Variants in TLK2 observed in about 807,000 individuals in gnomAD.
The protein encoded by TLK2 is serine/threonine-protein kinase tousled-like 2.
In TLK2, 6 loss-of-function variants were observed where a neutral mutation model predicts 117.3. The ratio of observed to expected loss-of-function variants is 0.05; its 90% CI spans 0.03 to 0.10. TLK2 has a LOEUF of 0.10. Ranked by LOEUF, TLK2 falls within the 10% of genes least tolerant of loss-of-function variation. The probability of loss-of-function intolerance (pLI) is 1.00; values close to 1 mark genes in which losing one functional copy is unlikely to be tolerated. For missense variants in TLK2, 299 were observed against 901.2 expected (o/e 0.33, Z 8.56); for synonymous variants, 257 against 316.7 (o/e 0.81, Z 2.00).
chr17:62,503,472 C>T (rs2074394368), intron 2 of TLK2, among the ~76,000 whole-genome samples: 1 of 139,044 alleles, frequency 7.2e-6, no homozygotes, highest in Admixed American at 7.7e-5. Flanking sequence ...GGCTGGAGTG[C>T]TGTTGCACGA....
intron 6 of TLK2, among the ~76,000 whole-genome samples, chr17:62,527,785 C>G (rs2076472575): frequency 6.6e-6 from 1 of 151,866 alleles, no homozygotes; most frequent in Non-Finnish European, 1.5e-5. Flanking sequence ...TTTTGTTGCC[C>G]AGGCTGGAGT....
intron 16 of TLK2, 47 bp downstream of exon 16, chr17:62,586,273 G>A (rs745528869): frequency 1.5e-6 from 2 of 1,354,510 alleles, no homozygotes; most frequent in East Asian, 4.6e-5. Context: ...AATAATACCT[G>A]TAGTTTGAGC....
At chr17:62,540,749 C>T (rs891806793) in intron 7 of TLK2, among the ~76,000 whole-genome samples, 2 of 152,078 alleles carry the variant, frequency 1.3e-5, no homozygotes, top group Admixed American at 6.6e-5. Context: ...GCCACTCCAA[C>T]TTAAACCATT....
chr17:62,591,557 C>CACCT (rs1369250847), intron 16 of TLK2, among the ~76,000 whole-genome samples: 1 of 152,148 alleles, frequency 6.6e-6, no homozygotes, highest in Non-Finnish European at 1.5e-5. Flanking sequence ...TGTGTTCTAA[C>CACCT]ACCTGCCTCA....
chr17:62,553,250 G>A (rs1250281743), intron 8 of TLK2, among the ~76,000 whole-genome samples: 1 of 152,060 alleles, frequency 6.6e-6, no homozygotes, highest in East Asian at 1.9e-4. Flanking sequence ...GAGCACTCAG[G>A]TAGCTTCTTC....
intron 6 of TLK2, among the ~76,000 whole-genome samples, chr17:62,526,672 TC>T (rs1262360258): frequency 5.0e-5 from 7 of 140,244 alleles, no homozygotes; most frequent in Admixed American, 4.5e-4. Flanking sequence ...GAACTGCTCT[TC>T]CTGTAATCTG....
intron 2 of TLK2, among the ~76,000 whole-genome samples, chr17:62,508,237 T>G (rs996555264): frequency 6.7e-6 from 1 of 149,624 alleles, no homozygotes; most frequent in Non-Finnish European, 1.5e-5. Context: ...CCAAGTGATA[T>G]GGATATTAGT....
intron 2 of TLK2, among the ~76,000 whole-genome samples, chr17:62,489,167 A>T (rs1034446288): frequency 4.8e-5 from 6 of 125,600 alleles, no homozygotes; most frequent in Non-Finnish European, 1.0e-4. Flanking sequence ...TTCTGTATTT[A>T]ATTGTACGTG....
At chr17:62,573,133 C>G (rs1049968073) in intron 11 of TLK2, 82 bp from the exon 12 acceptor site, 5 of 1,449,074 alleles carry the variant, frequency 3.5e-6, no homozygotes, top group African/African-American at 2.9e-5. Flanking sequence ...ATTGGATACA[C>G]AAGTGACAAA....
intron 16 of TLK2, among the ~76,000 whole-genome samples, chr17:62,595,019 T>C (rs2082363746): frequency 6.6e-6 from 1 of 152,208 alleles, no homozygotes; most frequent in Non-Finnish European, 1.5e-5. Context: ...TAGAGTGCCA[T>C]GGCGCAGTCT....
intron 15 of TLK2, among the ~76,000 whole-genome samples, chr17:62,581,995 C>T (rs2081255797): frequency 6.6e-6 from 1 of 152,028 alleles, no homozygotes; most frequent in Admixed American, 6.6e-5. Context: ...TGTCTATAAT[C>T]CCAGCACTCT....
chr17:62,505,531 G>T (rs971693921), intron 2 of TLK2, among the ~76,000 whole-genome samples: 10 of 148,226 alleles, frequency 6.7e-5, no homozygotes, highest in Non-Finnish European at 1.3e-4. Context: ...GGGATTACAG[G>T]CATGAGCCAC....
intron 11 of TLK2, among the ~76,000 whole-genome samples, chr17:62,567,295 C>T (rs2079874086): frequency 1.3e-5 from 2 of 152,258 alleles, no homozygotes; most frequent in South Asian, 2.1e-4. Flanking sequence ...AATATTTTAT[C>T]TCTTACTCTA....
rs530340914 is a variant in TLK2 at position 62,472,846 on chromosome 17, G to A, written c.-205+1768G>A. ...AGTACAACTCCCCTGGTTATTATCA[G>A]GACCAATTGATTTTGCCTGATCTGA... is the stretch of plus-strand genomic sequence containing the variant. On this transcript the variant is annotated intron_variant, in intron 1 of 4. Coordinates refer to the TLK2 transcript ENST00000579450. Among the ~76,000 whole-genome samples, 6 of 152,098 alleles carry A rather than the reference G, an allele frequency of 3.9e-5. No homozygotes were observed. In the South Asian group the frequency reaches 1.2e-3, roughly 32 times the overall value.
At chr17:62,471,486 T>C (rs1368205028) in intron 1 of TLK2, among the ~76,000 whole-genome samples, 6 of 152,148 alleles carry the variant, frequency 3.9e-5, no homozygotes, top group Non-Finnish European at 8.8e-5. Flanking sequence ...CTTTCCTTTA[T>C]TAACTGTCAA....
upstream of TLK2, among the ~76,000 whole-genome samples, chr17:62,475,940 G>A (rs144751752): frequency 0.041 from 6,196 of 152,028 alleles, 453 homozygotes; most frequent in African/African-American, 0.14. Flanking sequence ...GATTACAGGC[G>A]TGAGCCACCG....
At chr17:62,574,245 C>A in intron 12 of TLK2, 1 of 1,481,038 alleles carries the variant, frequency 6.8e-7, no homozygotes, top group East Asian at 2.5e-5. Context: ...AGAAAGATGG[C>A]TTAACACCAA....
chr17:62,523,411 T>C (rs1352257105), intron 5 of TLK2, among the ~76,000 whole-genome samples: 1 of 152,110 alleles, frequency 6.6e-6, no homozygotes, highest in Non-Finnish European at 1.5e-5. Flanking sequence ...AAACCCTGTC[T>C]CTACAAAAAA....
chr17:62,529,018 A>G (rs1407419062), intron 6 of TLK2, among the ~76,000 whole-genome samples: 2 of 152,198 alleles, frequency 1.3e-5, no homozygotes, highest in African/African-American at 4.8e-5. Context: ...GTCTGAATCC[A>G]TAAACAAAAT....
Sources: gnomAD v4.1 joint callset for allele counts (sites outside exome capture counted in the v4.1 genomes callset) on GRCh38, gnomAD v4.1.1 for gene constraint, MANE v1.5 for transcripts, NCBI Gene and HGNC (gene_info 2026-07-23, HGNC 2026-07-21) for gene names.